ZNF595: variants seen among roughly 807,000 people sequenced by gnomAD.
ZNF595 encodes zinc finger protein 595.
ZNF595 carries 9 observed loss-of-function variants against 19.4 expected under a neutral mutation model. The observed-to-expected ratio is 0.46, with a 90% CI of 0.28 to 0.81. The LOEUF (loss-of-function observed/expected upper bound fraction) is 0.81, where lower values mean the gene tolerates loss of function less well. Among genes scored for constraint, ZNF595 ranks in the 30% least tolerant of loss-of-function variants. ZNF595 has a pLI of 0.11. For missense variants in ZNF595, 729 were observed against 736.0 expected (o/e 0.99, Z 0.11); for synonymous variants, 255 against 255.9 (o/e 1.00, Z 0.03).
chr4:74,906 T>G lies in ZNF595; in HGVS notation c.227-10825T>G, dbSNP rs538890651. ...CTTAGTGATTTGGAGGCCCCAAAAT[T>G]TATTTTCCTTTTACAATATATTTAT... On this transcript the variant is annotated intron_variant, in intron 3 of 3. Transcript: ENST00000610261. Among the ~76,000 whole-genome samples, 5 of 152,328 alleles carry G rather than the reference T, an allele frequency of 3.3e-5. No individual in the cohort carries two copies. In the East Asian group the frequency reaches 7.7e-4, roughly 23 times the overall value.
chr4:82,372 G>GTT lies in ZNF595; in HGVS notation c.227-3332_227-3331dup, dbSNP rs34932652. ...CAAAAGTCCATTTTTTTGGTTTGTGGTTTTTTTTTTTTTTTTTTTTTTTTT... is the reference window on the plus strand; with the variant it reads ...CAAAAGTCCATTTTTTTGGTTTGTGGTTTTTTTTTTTTTTTTTTTTTTTTTTT... On this transcript the variant is annotated intron_variant, in intron 3 of 3. Coordinates refer to ENST00000610261, the MANE Select transcript of ZNF595 (RefSeq NM_182524.4). Among the ~76,000 whole-genome samples the GTT allele has an allele frequency of 2.0e-3, 173 of 85,926 alleles. 14 individuals are homozygous for GTT. Among genetic ancestry groups the GTT allele is most frequent in the Non-Finnish European group, 2.7e-3 (115 of 42,882 alleles). The allele number at this position is 85,926 out of a possible 152,430, so 56.4% of individuals were successfully genotyped here. A position where few individuals can be genotyped will look rare whatever the true frequency, so the allele number is the denominator to read the frequency against.
chr4:60,779 T>A (rs1712820854), intron 3 of ZNF595, among the ~76,000 whole-genome samples: 1 of 152,290 alleles, frequency 6.6e-6, no homozygotes. Flanking sequence ...AGCAATTTTA[T>A]CAGAACAATA....
intron 3 of ZNF595, among the ~76,000 whole-genome samples, chr4:76,360 C>T (rs1713659430): frequency 6.6e-6 from 1 of 152,136 alleles, no homozygotes; most frequent in South Asian, 2.1e-4. Flanking sequence ...CTTCAACACA[C>T]TATTTATGTC....
At position 85,998 on chromosome 4, in the gene ZNF595, T is replaced by A. The variant is rs200539049; in HGVS notation, c.494T>A (p.Ile165Lys). ...TTTTCAAATTCAAACAAACATAAGA[T>A]AAGACATACTGGAGAGAAACCCTTT... is the stretch of plus-strand genomic sequence containing the variant. ...SKFSNSNKHK[I>K]RHTGEKPFKC... Residue 165 changes from isoleucine to lysine, a missense_variant, in exon 4 of 4, where the codon ATA becomes AAA. Ile to Lys is a moderately radical substitution (Grantham distance 102). Around this residue, in one of 2 missense-constraint regions of ZNF595, gnomAD observed 729 missense variants for 675.3 expected, o/e 1.08. Transcript: ENST00000610261. The A allele has an allele frequency of 6.2e-7, 1 of 1,608,010 alleles. No individual in the cohort carries two copies.
chr4:81,329 A>G (rs1353136827), intron 3 of ZNF595, among the ~76,000 whole-genome samples: 1 of 152,086 alleles, frequency 6.6e-6, no homozygotes, highest in Non-Finnish European at 1.5e-5. Context: ...CTGTATGCAT[A>G]TTGTTCCTTA....
rs10452323 is a variant in ZNF595 at position 60,014 on chromosome 4, G to A, written c.131-44G>A. The stretch of plus-strand genomic sequence containing the variant: ...GCATAGTAATAGATTGGTCATTGGA[G>A]TATCCCCAGCAATAGTCATGTTAAT... On this transcript the variant is annotated intron_variant, in intron 2 of 3. Coordinates refer to ENST00000610261, the MANE Select transcript of ZNF595 (RefSeq NM_182524.4). 7,883 of 392,200 alleles carry A rather than the reference G, an allele frequency of 0.02. No individual in the cohort carries two copies. In the African/African-American group the frequency reaches 0.22, roughly 11 times the overall value. 24.3% of individuals were successfully genotyped at this position (392,200 alleles called of 1,614,324 possible).
intron 3 of ZNF595, among the ~76,000 whole-genome samples, chr4:84,338 A>C (rs1198515837): frequency 6.6e-6 from 1 of 152,138 alleles, no homozygotes; most frequent in Non-Finnish European, 1.5e-5. Context: ...GTTTTCTTGC[A>C]TCATATTATT....
intron 3 of ZNF595, among the ~76,000 whole-genome samples, chr4:74,873 C>T (rs1553798439): frequency 6.6e-6 from 1 of 152,110 alleles, no homozygotes; most frequent in East Asian, 1.9e-4. Flanking sequence ...CTTGACTTTT[C>T]CCTTTAGCTT....
chr4:79,675 G>GT (rs202205324), intron 3 of ZNF595, among the ~76,000 whole-genome samples: 4,944 of 127,412 alleles, frequency 0.039, 143 homozygotes, highest in African/African-American at 0.097. Context: ...CAGCTTTGTT[G>GT]TTTTTTTTTT....
intron 3 of ZNF595, among the ~76,000 whole-genome samples, chr4:62,502 G>GTA (rs1712902570): frequency 1.3e-5 from 1 of 74,250 alleles, no homozygotes; most frequent in Non-Finnish European, 2.7e-5. Flanking sequence ...CCCAGAGGTG[G>GTA]TATTGCTGAA....
At chr4:76,318 A>G (rs1282828763) in intron 3 of ZNF595, among the ~76,000 whole-genome samples, 2 of 152,166 alleles carry the variant, frequency 1.3e-5, no homozygotes, top group African/African-American at 4.8e-5. Context: ...AAGTTAACTT[A>G]TGTGTGTAGA....
intron 3 of ZNF595, among the ~76,000 whole-genome samples, chr4:69,988 C>T (rs1553797644): frequency 6.6e-6 from 1 of 152,174 alleles, no homozygotes; most frequent in African/African-American, 2.4e-5. Context: ...GCCAGTCCAG[C>T]TGGATGTCCG....
chr4:78,170 G>T (rs1398383020), intron 3 of ZNF595, among the ~76,000 whole-genome samples: 1 of 152,074 alleles, frequency 6.6e-6, no homozygotes, highest in Non-Finnish European at 1.5e-5. Context: ...GGCCACGTCC[G>T]GCTAATTTTT....
rs782551488 is a variant in ZNF595 at position 87,202 on chromosome 4, C to T, written c.1698C>T (p.Cys566=). Residue 566 remains cysteine (C), a synonymous_variant, in exon 4 of 4, where the codon TGC becomes TGT. Transcript: ENST00000610261. ...KIHSGEKPYK[C]KECGKAYNLS... ...ATTCTGGAGAGAAACCCTACAAATGCAAAGAATGTGGCAAAGCCTATAACT... is the reference window on the plus strand; with the variant it reads ...ATTCTGGAGAGAAACCCTACAAATGTAAAGAATGTGGCAAAGCCTATAACT... 5 of 1,595,404 alleles carry T rather than the reference C, an allele frequency of 3.1e-6. No homozygotes were observed. In the African/African-American group the frequency reaches 6.7e-5, roughly 21 times the overall value.
chr4:75,201 C>G (rs1192761810), intron 3 of ZNF595, among the ~76,000 whole-genome samples: 1 of 152,164 alleles, frequency 6.6e-6, no homozygotes, highest in African/African-American at 2.4e-5. Context: ...TCTATTCAAA[C>G]ATTTTGTAAA....
intron 3 of ZNF595, among the ~76,000 whole-genome samples, chr4:75,779 T>C (rs1478061532): frequency 6.6e-6 from 1 of 151,824 alleles, no homozygotes; most frequent in Non-Finnish European, 1.5e-5. Context: ...CTTTTGTATG[T>C]ATCTACTACA....
chr4:66,399 G>A (rs1235839697), intron 3 of ZNF595, among the ~76,000 whole-genome samples: 4 of 150,864 alleles, frequency 2.7e-5, no homozygotes. Flanking sequence ...TGGCTTTTCT[G>A]CTGCTTAGGT....
rs782338004 is a variant in ZNF595, at chr4:87,222, A to G, written c.1718A>G (p.Tyr573Cys). Residue 573 changes from tyrosine (Y) to cysteine (C), a missense_variant, in exon 4 of 4, where the codon TAT becomes TGT. By Grantham distance (194) the Tyr-to-Cys change is radical. Coordinates refer to ENST00000610261, the MANE Select transcript of ZNF595 (RefSeq NM_182524.4). ...AAATGCAAAGAATGTGGCAAAGCCT[A>G]TAACTTATCCTCAACCCTTACTAAA... Reference protein sequence around the residue: ...PYKCKECGKAYNLSSTLTKHK... With the variant: ...PYKCKECGKACNLSSTLTKHK... 10 of 1,594,680 alleles carry G rather than the reference A, an allele frequency of 6.3e-6. No homozygotes were observed. The highest frequency in any genetic ancestry group is 1.7e-5 in the Admixed American group (1 of 59,218).
chr4:73,136 T>C (rs1378541972), intron 3 of ZNF595, among the ~76,000 whole-genome samples: 1 of 152,202 alleles, frequency 6.6e-6, no homozygotes, highest in Admixed American at 6.5e-5. Context: ...GAAGTGACTT[T>C]ATTCTGAGGA....
Sources: allele counts gnomAD v4.1 joint callset (sites outside exome capture counted in the v4.1 genomes callset), GRCh38; gene constraint gnomAD v4.1.1; regional missense constraint gnomAD v4.1.1; transcripts MANE v1.5; gene names NCBI Gene and HGNC (gene_info 2026-07-23, HGNC 2026-07-21).